The following KAZN variants were observed in gnomAD, a reference collection of about 807,000 sequenced individuals.
The protein encoded by KAZN is kazrin.
A neutral mutation model predicts 87.4 loss-of-function variants in KAZN; 40 were observed. That is an observed-to-expected ratio of 0.46 (90% CI 0.36 to 0.60). The LOEUF is 0.60. Among genes scored for constraint, KAZN ranks in the 20% least tolerant of loss-of-function variants. KAZN has a pLI of 0.00. For missense variants in KAZN, 898 were observed against 1,073.9 expected (o/e 0.84, Z 2.29); for synonymous variants, 466 against 458.3 (o/e 1.02, Z -0.22).
chr1:14,814,774 G>A (rs1397377765), intron 1 of KAZN, among the ~76,000 whole-genome samples: 2 of 152,202 alleles, frequency 1.3e-5, no homozygotes, highest in African/African-American at 2.4e-5. Flanking sequence ...GGCATTAGGG[G>A]CATTTGTGAC....
chr1:14,006,247 C>T (rs1315486628), intron 1 of KAZN, among the ~76,000 whole-genome samples: 1 of 152,156 alleles, frequency 6.6e-6, no homozygotes, highest in African/African-American at 2.4e-5. Context: ...ATATCTGAGG[C>T]TGCATAGCTT....
chr1:14,764,760 G>A (rs979273339), intron 1 of KAZN, among the ~76,000 whole-genome samples: 3 of 152,148 alleles, frequency 2.0e-5, no homozygotes, highest in Non-Finnish European at 4.4e-5. Flanking sequence ...TCTGGCACCA[G>A]GCTGGGTATA....
At chr1:14,514,049 G>C (rs1671066438) in intron 2 of KAZN, among the ~76,000 whole-genome samples, 1 of 151,090 alleles carries the variant, frequency 6.6e-6, no homozygotes, top group Non-Finnish European at 1.5e-5. Flanking sequence ...GGCCGGGCGT[G>C]GTGGCTCACG....
chr1:14,333,498 C>G (rs2100878319), intron 2 of KAZN, among the ~76,000 whole-genome samples: 1 of 152,312 alleles, frequency 6.6e-6, no homozygotes, highest in Non-Finnish European at 1.5e-5. Context: ...CATTCATCAT[C>G]AAGCAACTAT....
intron 2 of KAZN, among the ~76,000 whole-genome samples, chr1:14,489,355 T>G (rs575187430): frequency 3.2e-4 from 48 of 152,174 alleles, no homozygotes; most frequent in African/African-American, 1.1e-3. Context: ...CGGGATAAAA[T>G]TATATATATA....
intron 1 of KAZN, among the ~76,000 whole-genome samples, chr1:13,990,865 ATAAG>A (rs1639249136): frequency 6.6e-6 from 1 of 152,238 alleles, no homozygotes. Context: ...GGGTCTATGA[ATAAG>A]TGATTACTGT....
chr1:14,976,031 C>CAAAAAAAA (rs1162988294), intron 2 of KAZN, among the ~76,000 whole-genome samples: 1 of 85,554 alleles, frequency 1.2e-5, no homozygotes, highest in African/African-American at 4.1e-5. Flanking sequence ...GACTCCGTCT[C>CAAAAAAAA]AAAAAAAAAA....
chr1:14,108,028 G>A (rs914524830), intron 1 of KAZN, among the ~76,000 whole-genome samples: 1 of 151,964 alleles, frequency 6.6e-6, no homozygotes, highest in Non-Finnish European at 1.5e-5. Context: ...ATCTATCCTT[G>A]AACAACTTCC....
intron 2 of KAZN, among the ~76,000 whole-genome samples, chr1:14,419,143 A>T (rs1453230625): frequency 6.6e-6 from 1 of 152,236 alleles, no homozygotes; most frequent in African/African-American, 2.4e-5. Flanking sequence ...AGGAACTTCT[A>T]TGCCAGCATA....
chr1:14,484,645 C>T (rs140853482), intron 2 of KAZN, among the ~76,000 whole-genome samples: 117 of 152,326 alleles, frequency 7.7e-4, no homozygotes, highest in African/African-American at 2.7e-3. Context: ...GGTCTGCAGG[C>T]TGGCTGCCTG....
At position 14,774,468 on chromosome 1, in the gene KAZN, A is replaced by ATT. The variant is rs35723980; in HGVS notation, c.226+175264_226+175265dup. Among the ~76,000 whole-genome samples, 1,041 of 131,220 alleles carry ATT rather than the reference A, an allele frequency of 7.9e-3. 22 individuals are homozygous for ATT. Among genetic ancestry groups the ATT allele is most frequent in the African/African-American group, 0.028 (964 of 34,034 alleles). 86.1% of individuals were successfully genotyped at this position (131,220 alleles called of 152,430 possible). Reference sequence around the variant, plus strand: ...CTACCTTTTCTTGGTTCTTGAACAGATTTTTTTTTTTTTTTTTTTTGAGAC... The same window carrying ATT: ...CTACCTTTTCTTGGTTCTTGAACAGATTTTTTTTTTTTTTTTTTTTTTGAGAC... On this transcript the variant is annotated intron_variant, in intron 1 of 14. Coordinates refer to ENST00000376030, the MANE Select transcript of KAZN (RefSeq NM_201628.3).
intron 2 of KAZN, among the ~76,000 whole-genome samples, chr1:14,976,179 T>C (rs1223426783): frequency 6.6e-6 from 1 of 152,174 alleles, no homozygotes; most frequent in East Asian, 1.9e-4. Context: ...TATTCATTCA[T>C]TTATTTGAGA....
chr1:14,578,938 A>G (rs951692488), intron 2 of KAZN, among the ~76,000 whole-genome samples: 1 of 152,228 alleles, frequency 6.6e-6, no homozygotes, highest in Admixed American at 6.5e-5. Context: ...TACTTCTTGA[A>G]GCTGAGGACC....
chr1:14,174,801 T>C (rs16853705), intron 1 of KAZN, among the ~76,000 whole-genome samples: 18,707 of 152,202 alleles, frequency 0.12, 1,273 homozygotes, highest in East Asian at 0.33. Context: ...TATCATGTGG[T>C]AGGTACTGTG....
At chr1:14,831,630 C>T (rs1647051417) in intron 1 of KAZN, among the ~76,000 whole-genome samples, 1 of 152,166 alleles carries the variant, frequency 6.6e-6, no homozygotes. Flanking sequence ...CTCAATCTGA[C>T]AAGAAATATT....
chr1:14,598,674 C>A (rs1676677422), upstream of KAZN: 4 of 1,268,582 alleles, frequency 3.2e-6, no homozygotes, highest in Non-Finnish European at 4.0e-6. This position sits in a 1 kb window ranked among gnomAD's most constrained non-coding sequence, Gnocchi z 4.2. Flanking sequence ...TGCCTGGTGG[C>A]GCGCGGTGTC....
At chr1:13,936,096 G>GTTTTT (rs70984301) in intron 1 of KAZN, among the ~76,000 whole-genome samples, 1 of 84,840 alleles carries the variant, frequency 1.2e-5, no homozygotes, top group African/African-American at 4.3e-5. Flanking sequence ...TACAAGTGCA[G>GTTTTT]TTTTTTTTTT....
At chr1:14,968,507 G>C (rs1664693667) in intron 2 of KAZN, among the ~76,000 whole-genome samples, 1 of 152,196 alleles carries the variant, frequency 6.6e-6, no homozygotes, top group Admixed American at 6.5e-5. Flanking sequence ...ACAAGAATGG[G>C]AAACGAACCA....
In KAZN at chr1:14,441,380, C is replaced by T. The variant is rs1344778136; in HGVS notation, c.250-157603C>T. Among the ~76,000 whole-genome samples the T allele has an allele frequency of 3.9e-5, 6 of 152,060 alleles. No homozygotes were observed. The East Asian group carries it at 1.2e-3, about 29-fold the overall frequency. On this transcript the variant is annotated intron_variant, in intron 2 of 16. Transcript: ENST00000636203. ...TTCCGGGCAGCAGCGGCAGCGGCAG[C>T]AGCAGCAGCAGCAGCACCTGGGAAC...
Sources: gnomAD v4.1 joint callset for allele counts (sites outside exome capture counted in the v4.1 genomes callset) on GRCh38, gnomAD v4.1.1 for gene constraint, Gnocchi (gnomAD v3.1) non-coding constraint, MANE v1.5 for transcripts, NCBI Gene and HGNC (gene_info 2026-07-23, HGNC 2026-07-21) for gene names.